The following INVS variants were observed in gnomAD, a reference collection of about 807,000 sequenced individuals.
INVS encodes the protein inversion of embryo turning homolog.
In INVS, 86 loss-of-function variants were observed where a neutral mutation model predicts 108.8. The observed-to-expected ratio is 0.79, with a 90% confidence interval of 0.66 to 0.95. The LOEUF is 0.95. Among genes scored for constraint, INVS ranks in the 40% least tolerant of loss-of-function variants. The probability of loss-of-function intolerance (pLI) is 0.00; values close to 1 mark genes in which losing one functional copy is unlikely to be tolerated. For missense variants in INVS, 1,169 were observed against 1,297.4 expected, an observed-to-expected ratio of 0.90 and a Z score of 1.52; for synonymous variants, 455 against 473.5, an observed-to-expected ratio of 0.96 and a Z score of 0.51.
intron 3 of INVS, among the ~76,000 whole-genome samples, chr9:100,188,635 C>CTTTT (rs11309021): frequency 1.6e-5 from 2 of 128,260 alleles, no homozygotes; most frequent in African/African-American, 2.8e-5. Context: ...TAGTTTCTTT[C>CTTTT]TTTTTTTTTT....
chr9:100,273,155 G>A (rs1347096993), intron 12 of INVS, 79 bp downstream of exon 12: 12 of 1,042,308 alleles, frequency 1.2e-5, no homozygotes, highest in South Asian at 1.1e-4. Context: ...TGCTGGGGTG[G>A]CCAGGAGAGG....
At chr9:100,181,420 G>A (rs1480589111) in intron 3 of INVS, among the ~76,000 whole-genome samples, 1 of 152,132 alleles carries the variant, frequency 6.6e-6, no homozygotes, top group Non-Finnish European at 1.5e-5. Flanking sequence ...CTTCAGCAAA[G>A]TCTCGGGATA....
chr9:100,105,140 C>G (rs1221679777), intron 2 of INVS, among the ~76,000 whole-genome samples: 7 of 152,126 alleles, frequency 4.6e-5, no homozygotes, highest in Non-Finnish European at 2.9e-5. Flanking sequence ...CCTGCTAAAG[C>G]AGAGCAAAGA....
intron 4 of INVS, among the ~76,000 whole-genome samples, chr9:100,227,352 T>G (rs1193299593): frequency 6.6e-6 from 1 of 152,182 alleles, no homozygotes; most frequent in Non-Finnish European, 1.5e-5. Flanking sequence ...GTTTTTAATG[T>G]GACAGATGAG....
intron 3 of INVS, among the ~76,000 whole-genome samples, chr9:100,138,204 G>T (rs1828294648): frequency 1.3e-5 from 2 of 152,036 alleles, no homozygotes; most frequent in Admixed American, 6.6e-5. Context: ...TGAGGAGTTC[G>T]AGACCAGCCT....
intron 3 of INVS, chr9:100,175,812 C>A: frequency 1.5e-6 from 1 of 669,480 alleles, no homozygotes; most frequent in South Asian, 1.4e-5. Context: ...AACACTCAGA[C>A]CTGGTGCACC....
chr9:100,203,801 A>G (rs1012495117), intron 3 of INVS, among the ~76,000 whole-genome samples: 1 of 152,088 alleles, frequency 6.6e-6, no homozygotes, highest in African/African-American at 2.4e-5. Context: ...CTTCTTTCTT[A>G]AAGTAATATT....
At chr9:100,161,428 G>C (rs955335736) in intron 3 of INVS, among the ~76,000 whole-genome samples, 3 of 141,246 alleles carry the variant, frequency 2.1e-5, no homozygotes, top group Non-Finnish European at 4.6e-5. Context: ...AAAAGAATTT[G>C]AATATGATCT....
chr9:100,286,031 CT>C (rs1833430078), intron 13 of INVS, among the ~76,000 whole-genome samples: 1 of 152,156 alleles, frequency 6.6e-6, no homozygotes, highest in Non-Finnish European at 1.5e-5. Context: ...GGCTCTGGAA[CT>C]TCATGATTAC....
intron 3 of INVS, among the ~76,000 whole-genome samples, chr9:100,189,514 GT>G (rs1195280591): frequency 6.6e-6 from 1 of 151,708 alleles, no homozygotes; most frequent in Admixed American, 6.6e-5. Context: ...GGAGAAAATT[GT>G]TTAATTTTCA....
chr9:100,284,665 G>A (rs1833382834), intron 13 of INVS, 62 bp downstream of exon 13: 1 of 1,523,020 alleles, frequency 6.6e-7, no homozygotes, highest in Non-Finnish European at 9.0e-7. Context: ...TTTGATTGGT[G>A]TATTTAGACC....
At chr9:100,291,826 GATT>G (rs1833624377) in intron 13 of INVS, among the ~76,000 whole-genome samples, 1 of 152,156 alleles carries the variant, frequency 6.6e-6, no homozygotes, top group Non-Finnish European at 1.5e-5. Context: ...TTAAAATCTG[GATT>G]ATTTCCAAAA....
At chr9:100,184,492 T>TA (rs1829997653) in intron 3 of INVS, among the ~76,000 whole-genome samples, 1 of 152,102 alleles carries the variant, frequency 6.6e-6, no homozygotes, top group African/African-American at 2.4e-5. Context: ...CACCATTTTG[T>TA]AAAAAAATGA....
At chr9:100,290,516 A>C (rs2806697) in intron 13 of INVS, among the ~76,000 whole-genome samples, 80,314 of 151,542 alleles carry the variant, frequency 0.53, 22,214 homozygotes, top group African/African-American at 0.59. Flanking sequence ...TGTCCAGCTA[A>C]TTTTTTTGTA....
intron 8 of INVS, among the ~76,000 whole-genome samples, chr9:100,247,282 G>A (rs1832076134): frequency 6.6e-6 from 1 of 152,022 alleles, no homozygotes; most frequent in Non-Finnish European, 1.5e-5. Flanking sequence ...ACCTCCCATG[G>A]CTCTAAGATG....
intron 3 of INVS, among the ~76,000 whole-genome samples, chr9:100,170,825 A>G (rs1412201512): frequency 1.3e-5 from 2 of 152,232 alleles, no homozygotes; most frequent in Admixed American, 1.3e-4. Flanking sequence ...AAATACAACC[A>G]TGACAGGGAC....
intron 3 of INVS, among the ~76,000 whole-genome samples, chr9:100,147,712 G>A (rs1828663171): frequency 6.6e-6 from 1 of 152,074 alleles, no homozygotes; most frequent in South Asian, 2.1e-4. Flanking sequence ...CCATCAAAAG[G>A]AATCTGGTTT....
intron 3 of INVS, among the ~76,000 whole-genome samples, chr9:100,185,516 A>ATATATAT (rs1224840527): frequency 1.3e-4 from 14 of 110,854 alleles, no homozygotes; most frequent in Middle Eastern, 5.1e-3. Flanking sequence ...TATGCATAGA[A>ATATATAT]ATATATATAT....
intron 3 of INVS, among the ~76,000 whole-genome samples, chr9:100,158,714 G>A (rs1182669684): frequency 6.6e-6 from 1 of 152,170 alleles, no homozygotes; most frequent in African/African-American, 2.4e-5. Flanking sequence ...TAGATGAGCT[G>A]TATTTATGCT....
Sources: gnomAD v4.1 joint callset for allele counts (sites outside exome capture counted in the v4.1 genomes callset) on GRCh38, gnomAD v4.1.1 for gene constraint, MANE v1.5 for transcripts, NCBI Gene and HGNC (gene_info 2026-07-23, HGNC 2026-07-21) for gene names.